Variants in RFX7 observed in about 807,000 individuals in gnomAD.
The protein encoded by RFX7 is regulatory factor X7.
In RFX7, 26 loss-of-function variants were observed where a neutral mutation model predicts 111.8. The observed-to-expected ratio is 0.23, with a 90% CI of 0.17 to 0.32. The LOEUF is 0.32. Among genes scored for constraint, RFX7 ranks in the 10% least tolerant of loss-of-function variants. The pLI, the probability that RFX7 is intolerant of heterozygous loss-of-function variation, is 1.00. For missense variants in RFX7, 1,573 were observed against 1,772.9 expected (o/e 0.89, Z 2.02); for synonymous variants, 624 against 624.4 (o/e 1.00, Z 0.01).
intron 3 of RFX7, among the ~76,000 whole-genome samples, chr15:56,146,938 G>A (rs568713971): frequency 6.6e-6 from 1 of 152,298 alleles, no homozygotes; most frequent in South Asian, 2.1e-4. Flanking sequence ...TTCTGGTTTT[G>A]GATATACTGT....
chr15:56,185,047 T>C (rs2043023409), intron 2 of RFX7, among the ~76,000 whole-genome samples: 1 of 152,214 alleles, frequency 6.6e-6, no homozygotes, highest in Non-Finnish European at 1.5e-5. Context: ...TAAAGTTGAA[T>C]ACAAAACACA....
At chr15:56,149,833 T>G in intron 3 of RFX7, among the ~76,000 whole-genome samples, 1 of 151,016 alleles carries the variant, frequency 6.6e-6, no homozygotes. Context: ...CATACCCCAG[T>G]GGCATGTGGA....
intron 5 of RFX7, among the ~76,000 whole-genome samples, chr15:56,131,172 T>C (rs1279707578): frequency 3.3e-5 from 5 of 150,234 alleles, no homozygotes; most frequent in African/African-American, 1.2e-4. Flanking sequence ...AGTTCCTAAA[T>C]AATACACTTG....
chr15:56,220,401 T>C (rs2043412782), intron 2 of RFX7, among the ~76,000 whole-genome samples: 1 of 152,100 alleles, frequency 6.6e-6, no homozygotes, highest in Non-Finnish European at 1.5e-5. Flanking sequence ...CAGCTAATTT[T>C]TTGTATTTTT....
intron 2 of RFX7, among the ~76,000 whole-genome samples, chr15:56,237,112 T>C (rs1339875980): frequency 1.3e-5 from 2 of 152,176 alleles, no homozygotes; most frequent in Non-Finnish European, 2.9e-5. Context: ...GGTTTTATTA[T>C]TGTTGTCAAT....
chr15:56,144,589 A>G (rs1203865810), intron 3 of RFX7, 106 bp from the exon 4 acceptor site: 1 of 392,406 alleles, frequency 2.5e-6, no homozygotes, highest in Non-Finnish European at 5.0e-6. Context: ...ATTTAAATTT[A>G]AAACAGATGA....
At chr15:56,195,695 G>C (rs1214474381) in intron 2 of RFX7, among the ~76,000 whole-genome samples, 1 of 152,152 alleles carries the variant, frequency 6.6e-6, no homozygotes, top group East Asian at 1.9e-4. Flanking sequence ...TAAGATGTTT[G>C]GAATCATACA....
At chr15:56,165,035 C>T (rs1182186072) in intron 3 of RFX7, among the ~76,000 whole-genome samples, 2 of 152,206 alleles carry the variant, frequency 1.3e-5, no homozygotes, top group African/African-American at 4.8e-5. Flanking sequence ...AACTGTTCCA[C>T]TTAGACCATT....
chr15:56,221,059 T>C (rs2043421792), intron 2 of RFX7, among the ~76,000 whole-genome samples: 1 of 152,234 alleles, frequency 6.6e-6, no homozygotes, highest in Non-Finnish European at 1.5e-5. Context: ...GCTAGTACCA[T>C]GCTGTTTTGG....
chr15:56,209,249 CAAG>C (rs1218516179), intron 2 of RFX7, among the ~76,000 whole-genome samples: 1 of 149,296 alleles, frequency 6.7e-6, no homozygotes, highest in African/African-American at 2.5e-5. Flanking sequence ...ATAAACCATG[CAAG>C]AAGGAGAGTG....
At position 56,116,968 on chromosome 15, in the gene RFX7, G is replaced by T. The variant is rs116952196; in HGVS notation, c.402-13298C>A. ...TAATGTTCAAAAACAAGCAAAGCTAGCCTGTGGCATTAGAAGCCAGGACAG... is the reference window on the plus strand; with the variant it reads ...TAATGTTCAAAAACAAGCAAAGCTATCCTGTGGCATTAGAAGCCAGGACAG... On this transcript the variant is annotated intron_variant, in intron 5 of 9. Coordinates refer to ENST00000559447, the MANE Select transcript of RFX7 (RefSeq NM_022841.7). Among the ~76,000 whole-genome samples the T allele has an allele frequency of 4.7e-4, 71 of 152,246 alleles. No homozygotes were observed. In the East Asian group the frequency reaches 0.013, roughly 29 times the overall value.
intron 3 of RFX7, among the ~76,000 whole-genome samples, chr15:56,147,094 A>G (rs74424788): frequency 6.6e-4 from 100 of 152,368 alleles, no homozygotes; most frequent in African/African-American, 2.1e-3. Flanking sequence ...GACAATTTAA[A>G]TGATAAGAAT....
Position 56,094,764 on chromosome 15 carries a change from T to C in RFX7, c.2964A>G (p.Thr988=). The C allele has an allele frequency of 6.2e-7, 1 of 1,612,868 alleles. No individual in the cohort carries two copies. Among genetic ancestry groups the C allele is most frequent in the Non-Finnish European group, 8.5e-7 (1 of 1,179,406 alleles). Residue 988 remains threonine (T), a synonymous_variant, in exon 10 of 10, where the codon ACA becomes ACG. Coordinates refer to ENST00000559447, the MANE Select transcript of RFX7 (RefSeq NM_022841.7). The part of the protein sequence containing the change: ...ESPCSRLAQT[T]PVDSALGSSR... Reference sequence around the variant, plus strand: ...TACTTCCTAAAGCACTATCCACAGGTGTAGTCTGGGCTAGCCTGGAGCAAG... The same window carrying C: ...TACTTCCTAAAGCACTATCCACAGGCGTAGTCTGGGCTAGCCTGGAGCAAG...
chr15:56,179,230 C>T lies in RFX7; in HGVS notation c.195+40G>A, dbSNP rs778628302. On this transcript the variant is annotated intron_variant, in intron 3 of 9. Transcript: ENST00000559447. The stretch of plus-strand genomic sequence containing the variant: ...GTATATTTTATATCGTCATAAAAAC[C>T]TTATTGCAAAAGGATTTTAATATTA... 4.9e-6 allele frequency: 5 copies of T among 1,022,578 alleles called. No homozygotes were observed. The African/African-American group carries it at 6.8e-5, about 14-fold the overall frequency. The allele number at this position is 1,022,578 out of a possible 1,614,324, so 63.3% of individuals were successfully genotyped here.
intron 3 of RFX7, among the ~76,000 whole-genome samples, chr15:56,157,763 A>G (rs531277487): frequency 6.6e-6 from 1 of 152,302 alleles, no homozygotes; most frequent in Non-Finnish European, 1.5e-5. Context: ...TATTTTTAGT[A>G]GAGATGGGGT....
chr15:56,230,825 T>C (rs564410347), intron 2 of RFX7, among the ~76,000 whole-genome samples: 4 of 152,350 alleles, frequency 2.6e-5, no homozygotes, highest in African/African-American at 7.2e-5. Flanking sequence ...CTGGGCGCAG[T>C]GGCTCACGCC....
In RFX7 at chr15:56,094,217, C is replaced by T. The variant is rs753963627; in HGVS notation, c.3511G>A (p.Val1171Ile). 6.8e-6 allele frequency: 11 copies of T among 1,613,812 alleles called. No individual in the cohort carries two copies. The highest frequency in any genetic ancestry group is 8.5e-7 in the Non-Finnish European group (1 of 1,179,884). The change falls in exon 10 of 10, where the codon GTT (valine) becomes ATT (isoleucine). Residue 1171 changes from valine to isoleucine, a missense_variant. Transcript: ENST00000559447. ...CCACTAAGATTACGTTGGCGATGAA[C>T]AGCAGGGCTCACACTCCGGCATCTG... ...NFRCRSVSPAVHRQRNLSGST... is the reference protein window; with the variant it reads ...NFRCRSVSPAIHRQRNLSGST...
At chr15:56,243,376 A>C in intron 1 of RFX7, 69 bp downstream of exon 1, 1 of 404,878 alleles carries the variant, frequency 2.5e-6, no homozygotes, top group Non-Finnish European at 3.1e-6. Context: ...AAGGGGGGAG[A>C]GGAGGAGGGG....
At chr15:56,230,142 G>A (rs1228555765) in intron 2 of RFX7, among the ~76,000 whole-genome samples, 1 of 152,114 alleles carries the variant, frequency 6.6e-6, no homozygotes, top group Non-Finnish European at 1.5e-5. Context: ...CAATGTTAAG[G>A]GGTCTTTAAA....
Sources: gnomAD v4.1 joint callset for allele counts (sites outside exome capture counted in the v4.1 genomes callset) on GRCh38, gnomAD v4.1.1 for gene constraint, MANE v1.5 for transcripts, NCBI Gene and HGNC (gene_info 2026-07-23, HGNC 2026-07-21) for gene names.